The following PKIA variants were observed in gnomAD, a reference collection of about 807,000 sequenced individuals.
The protein encoded by PKIA is PKI-alpha.
Under a neutral mutation model 7.6 loss-of-function variants are expected in PKIA, and 4 were observed. The observed-to-expected ratio is 0.52, with a 90% CI of 0.26 to 1.20. The LOEUF is 1.20. Among genes scored for constraint, PKIA ranks in the 50% most tolerant of loss-of-function variants. PKIA has a pLI of 0.13. For synonymous variants in PKIA, 21 were observed against 30.7 expected (o/e 0.68, Z 1.04); for missense variants, 73 against 86.2 (o/e 0.85, Z 0.61).
chr8:78,557,495 G>C (rs1286294929), intron 1 of PKIA, among the ~76,000 whole-genome samples: 4 of 152,100 alleles, frequency 2.6e-5, no homozygotes, highest in Non-Finnish European at 5.9e-5. Flanking sequence ...CTGAGTAAAA[G>C]CATTTCAATT....
chr8:78,576,190 TC>T (rs1304750723), intron 2 of PKIA, among the ~76,000 whole-genome samples: 1 of 152,040 alleles, frequency 6.6e-6, no homozygotes, highest in Non-Finnish European at 1.5e-5. Context: ...GAAACATAAT[TC>T]AGTCTCTAAT....
At chr8:78,535,798 G>A (rs1465997953) in intron 1 of PKIA, 1 of 151,990 alleles carries the variant, frequency 6.6e-6, no homozygotes, top group Non-Finnish European at 1.5e-5. Flanking sequence ...TATTTACATC[G>A]CATTTACTTT....
At position 78,550,134 on chromosome 8, in the gene PKIA, T is replaced by C. The variant is rs114484070; in HGVS notation, c.-156-22677T>C. On this transcript the variant is annotated intron_variant, in intron 1 of 3. Transcript: ENST00000396418. ...AATAGGGGAGAAAGACTGAACTCAA[T>C]TCTGCTGAAATAAAAGGGAGGCAAG... Among the ~76,000 whole-genome samples, 795 of 152,180 alleles carry C rather than the reference T, an allele frequency of 5.2e-3. 9 individuals are homozygous for C. Among genetic ancestry groups the C allele is most frequent in the African/African-American group, 0.017 (718 of 41,544 alleles).
intron 2 of PKIA, among the ~76,000 whole-genome samples, chr8:78,582,299 C>T (rs1310070158): frequency 6.6e-6 from 1 of 151,588 alleles, no homozygotes; most frequent in East Asian, 1.9e-4. Flanking sequence ...TTAACTGAGT[C>T]ACAGTTCCAC....
At chr8:78,587,849 G>T (rs1807988002) in intron 2 of PKIA, among the ~76,000 whole-genome samples, 2 of 152,074 alleles carry the variant, frequency 1.3e-5, no homozygotes, top group Non-Finnish European at 2.9e-5. Context: ...CATTAGACAG[G>T]AAAATGAACT....
At chr8:78,597,602 A>G (rs919659408) in intron 2 of PKIA, among the ~76,000 whole-genome samples, 1 of 152,184 alleles carries the variant, frequency 6.6e-6, no homozygotes, top group African/African-American at 2.4e-5. Context: ...CCTGATCTCA[A>G]GTTCTCTCTG....
At chr8:78,575,298 C>A (rs1807646513) in intron 2 of PKIA, among the ~76,000 whole-genome samples, 1 of 151,744 alleles carries the variant, frequency 6.6e-6, no homozygotes, top group African/African-American at 2.4e-5. Context: ...TAACTCTGCT[C>A]TTGGTTTCAT....
chr8:78,564,778 A>T (rs988124637), intron 1 of PKIA, among the ~76,000 whole-genome samples: 2 of 151,952 alleles, frequency 1.3e-5, no homozygotes, highest in African/African-American at 4.8e-5. Flanking sequence ...TCCAATTAGT[A>T]GAAAATTACA....
At chr8:78,595,515 G>C (rs1808207644) in intron 2 of PKIA, among the ~76,000 whole-genome samples, 1 of 152,180 alleles carries the variant, frequency 6.6e-6, no homozygotes, top group East Asian at 1.9e-4. Context: ...TCGAGGGTTT[G>C]TACAGATTAT....
chr8:78,563,467 T>C (rs1807331980), intron 1 of PKIA, among the ~76,000 whole-genome samples: 1 of 152,076 alleles, frequency 6.6e-6, no homozygotes, highest in Non-Finnish European at 1.5e-5. Context: ...GAAATCAGAT[T>C]AAAGGTGGGG....
intron 1 of PKIA, among the ~76,000 whole-genome samples, chr8:78,524,090 A>G (rs71500597): frequency 0.026 from 2,478 of 95,452 alleles, 517 homozygotes; most frequent in African/African-American, 0.043. Flanking sequence ...ATAAATAAAC[A>G]TTTATATTTA....
At chr8:78,542,770 ACT>A (rs1430612096) in intron 1 of PKIA, among the ~76,000 whole-genome samples, 2 of 151,620 alleles carry the variant, frequency 1.3e-5, no homozygotes, top group African/African-American at 2.4e-5. Context: ...TCCTACCTGT[ACT>A]CTCTTTTGTA....
At chr8:78,567,880 CTT>C (rs1807455813) in intron 1 of PKIA, among the ~76,000 whole-genome samples, 1 of 152,154 alleles carries the variant, frequency 6.6e-6, no homozygotes, top group Non-Finnish European at 1.5e-5. Flanking sequence ...ATTATGAACT[CTT>C]TCAATTGTTC....
intron 1 of PKIA, among the ~76,000 whole-genome samples, chr8:78,569,507 C>A (rs750766807): frequency 5.9e-5 from 9 of 152,156 alleles, no homozygotes; most frequent in Non-Finnish European, 1.3e-4. Flanking sequence ...TTTCTTGCTA[C>A]ACCCCAATAT....
chr8:78,586,943 A>G (rs1367918334), intron 2 of PKIA, among the ~76,000 whole-genome samples: 1 of 152,214 alleles, frequency 6.6e-6, no homozygotes, highest in African/African-American at 2.4e-5. Context: ...CAGATGTGAT[A>G]TCTGGCACAT....
Position 78,572,474 on chromosome 8 carries a change from C to T in PKIA, c.-156-337C>T, listed in dbSNP as rs114707281. On this transcript the variant is annotated intron_variant, in intron 1 of 3. Transcript: ENST00000396418. ...AGACAGAAAACTTGCCTTTTTTGCC[C>T]GCTAAATCACTGACTAGTAGTCAAC... Among the ~76,000 whole-genome samples, 1,068 of 151,078 alleles carry T rather than the reference C, an allele frequency of 7.1e-3. 10 individuals are homozygous for T. Among genetic ancestry groups the T allele is most frequent in the African/African-American group, 0.024 (1,006 of 41,182 alleles).
At chr8:78,527,184 C>T (rs1279586075) in intron 1 of PKIA, among the ~76,000 whole-genome samples, 1 of 151,898 alleles carries the variant, frequency 6.6e-6, no homozygotes, top group Non-Finnish European at 1.5e-5. Context: ...AATTTCCAAG[C>T]CAATATTGTT....
At chr8:78,578,751 T>C (rs373354281) in intron 2 of PKIA, among the ~76,000 whole-genome samples, 12 of 152,052 alleles carry the variant, frequency 7.9e-5, no homozygotes, top group Middle Eastern at 3.4e-3. Context: ...TAGTGTTTAT[T>C]GCTAGAGTGC....
At chr8:78,555,316 A>G (rs1167804903) in intron 1 of PKIA, among the ~76,000 whole-genome samples, 1 of 151,816 alleles carries the variant, frequency 6.6e-6, no homozygotes, top group Admixed American at 6.6e-5. Flanking sequence ...CACATCATCA[A>G]AACTTGCTTT....
Sources: allele counts gnomAD v4.1 joint callset (sites outside exome capture counted in the v4.1 genomes callset), GRCh38; gene constraint gnomAD v4.1.1; transcripts MANE v1.5; gene names NCBI Gene and HGNC (gene_info 2026-07-23, HGNC 2026-07-21).